The following CYGB variants were observed in gnomAD, a reference collection of about 807,000 sequenced individuals.
The protein encoded by CYGB is cytoglobin, also known as histoglobin.
CYGB carries 13 observed loss-of-function variants against 20.7 expected under a neutral mutation model. The ratio of observed to expected loss-of-function variants is 0.63; its 90% CI spans 0.41 to 1.00. The LOEUF (loss-of-function observed/expected upper bound fraction) is 1.00, where lower values mean the gene tolerates loss of function less well. Ranked by LOEUF, CYGB falls within the 50% of genes least tolerant of loss-of-function variation. The probability of loss-of-function intolerance (pLI) is 0.00; values close to 1 mark genes in which losing one functional copy is unlikely to be tolerated. For synonymous variants in CYGB, 93 were observed against 107.4 expected (o/e 0.87, Z 0.83); for missense variants, 218 against 257.2 (o/e 0.85, Z 1.04).
chr17:76,535,717 G>A (rs1307988244), intron 1 of CYGB, among the ~76,000 whole-genome samples: 4 of 152,184 alleles, frequency 2.6e-5, no homozygotes, highest in Non-Finnish European at 4.4e-5. Context: ...CTGAAAACTC[G>A]GACTGCCCAG....
In CYGB at chr17:76,530,106, A is replaced by C. The variant is rs780292316; in HGVS notation, c.539+873T>G. On this transcript the variant is annotated intron_variant, in intron 3 of 3. Transcript: ENST00000293230. The surrounding 1 kb of genome is among the most constrained non-coding windows in gnomAD (Gnocchi z 6.1). The stretch of plus-strand genomic sequence containing the variant: ...CCTTTTCCATGGGAAACTGCTGGGA[A>C]TGTTTCTCTACCACGGGAATGTTTC... 1.5e-3 allele frequency: 1,492 copies of C among 983,026 alleles called. 6 individuals carry two copies. The highest frequency in any genetic ancestry group is 5.5e-3 in the Admixed American group (89 of 16,258). 60.9% of individuals were successfully genotyped at this position (983,026 alleles called of 1,614,324 possible).
intron 1 of CYGB, among the ~76,000 whole-genome samples, chr17:76,547,577 AAC>A (rs1437814531): frequency 2.0e-5 from 3 of 152,108 alleles, no homozygotes; most frequent in Admixed American, 6.5e-5. Context: ...AAAATTTACT[AAC>A]AGACTCAGCC....
chr17:76,528,728 C>G lies in CYGB; in HGVS notation c.540-117G>C, dbSNP rs1012262800. On this transcript the variant is annotated intron_variant, in intron 3 of 3. Transcript: ENST00000293230. The surrounding 1 kb of genome is among the most constrained non-coding windows in gnomAD (Gnocchi z 5.8). ...TCACTTCCTGCCAAGAGATCCGGCA[C>G]AGTGCAGTTGAAAGCAACCGTGAGA... The G allele has an allele frequency of 2.7e-6, 3 of 1,099,574 alleles. No individual in the cohort carries two copies. The African/African-American group carries it at 4.9e-5, about 18-fold the overall frequency. 68.1% of individuals were successfully genotyped at this position (1,099,574 alleles called of 1,614,324 possible).
intron 1 of CYGB, chr17:76,545,506 AGGGTGGGGTCCCTTCT>A (rs1444503741): frequency 2.5e-6 from 1 of 394,220 alleles, no homozygotes; most frequent in Admixed American, 2.8e-5. Flanking sequence ...GCTGAGCCAA[AGGGTGGGGTCCCTTCT>A]GGTCTAGGGT....
At chr17:76,540,642 G>C, upstream of CYGB, 10 of 1,476,104 alleles carry the variant, frequency 6.8e-6, no homozygotes, top group Non-Finnish European at 9.4e-6. This position sits in a 1 kb window ranked among gnomAD's most constrained non-coding sequence, Gnocchi z 5.0. Context: ...CATGCCTGGG[G>C]GTGCACGTGT....
chr17:76,547,667 TCA>T (rs1232013661), intron 1 of CYGB, among the ~76,000 whole-genome samples: 20 of 130,562 alleles, frequency 1.5e-4, no homozygotes, highest in African/African-American at 6.0e-4. Context: ...ACACACATAT[TCA>T]CACACAGAGA....
chr17:76,537,488 G>C lies in CYGB; in HGVS notation c.55C>G (p.Leu19Val). ...EIERRERSEE[L>V]SEAERKAVQA... ...ACCGCCTTCCTCTCCGCCTCGGACA[G>C]CTCCTCGCTCCGCTCCCTGCGCTCG... Residue 19 changes from leucine to valine, a missense_variant, in exon 1 of 4, where the codon CTG (leucine) becomes GTG (valine). Leu to Val is a conservative substitution (Grantham distance 32). This residue lies in a region of CYGB where 152 missense variants were observed against 149.9 expected (regional missense o/e 1.01). Transcript: ENST00000293230. 6.3e-7 allele frequency: 1 copy of C among 1,586,528 alleles called. No individual in the cohort carries two copies.
chr17:76,548,138 CACAG>C (rs1159874956), intron 1 of CYGB, among the ~76,000 whole-genome samples: 9 of 151,966 alleles, frequency 5.9e-5, no homozygotes, highest in East Asian at 3.9e-4. Context: ...CACATGCATA[CACAG>C]ACATACACAT....
chr17:76,548,001 C>T (rs535856599), intron 1 of CYGB, among the ~76,000 whole-genome samples: 1 of 152,120 alleles, frequency 6.6e-6, no homozygotes, highest in African/African-American at 2.4e-5. Flanking sequence ...TTCACACACA[C>T]ATTCACACAT....
At position 76,531,443 on chromosome 17, in the gene CYGB, C is replaced by T. The variant is rs2074841938; in HGVS notation, c.375+17G>A. 6.3e-7 allele frequency: 1 copy of T among 1,595,252 alleles called. No homozygotes were observed. The highest frequency in any genetic ancestry group is 1.3e-5 in the African/African-American group (1 of 74,610). On this transcript the variant is annotated intron_variant, in intron 2 of 3. Transcript: ENST00000293230. The surrounding 1 kb of genome is among the most constrained non-coding windows in gnomAD (Gnocchi z 7.4). ...CGCGTGGGCGGTGGGGGCTCTGCAG[C>T]AGATGGGGGCGCATACCTTGAAGTA... is the stretch of plus-strand genomic sequence containing the variant.
rs528732567 is a variant in CYGB at position 76,545,141 on chromosome 17, C to T, written c.-53+5721G>A. On this transcript the variant is annotated intron_variant, in intron 1 of 3. Coordinates refer to the CYGB transcript ENST00000589145. ...ACACCTTCCCCGCACACCCAGCCCA[C>T]GCTCGCCTCTTATTCCCGGGGCCTC... The T allele has an allele frequency of 5.5e-5, 25 of 456,654 alleles. No homozygotes were observed. In the East Asian group the frequency reaches 9.7e-4, roughly 18 times the overall value. The allele number at this position is 456,654 out of a possible 1,614,324, so 28.3% of individuals were successfully genotyped here.
chr17:76,541,932 ATG>A, upstream of CYGB, among the ~76,000 whole-genome samples: 1 of 152,268 alleles, frequency 6.6e-6, no homozygotes, highest in South Asian at 2.1e-4. Context: ...TGCTCCATAA[ATG>A]CTAGCAGCTG....
chr17:76,539,305 C>G (rs1398801285), upstream of CYGB, among the ~76,000 whole-genome samples: 2 of 152,198 alleles, frequency 1.3e-5, no homozygotes, highest in Admixed American at 1.3e-4. Flanking sequence ...AATCGTGTAA[C>G]TATTTCTTTT....
chr17:76,549,614 G>C (rs554337678), intron 1 of CYGB, among the ~76,000 whole-genome samples: 11 of 152,288 alleles, frequency 7.2e-5, no homozygotes, highest in African/African-American at 2.6e-4. Flanking sequence ...CCACAAAAAA[G>C]ACTGCAAAGA....
chr17:76,529,962 G>A, intron 3 of CYGB: 1 of 985,394 alleles, frequency 1.0e-6, no homozygotes. Context: ...TCAGCAGCAG[G>A]AAGGGCAGGA....
chr17:76,540,210 C>T, upstream of CYGB: 2 of 1,599,844 alleles, frequency 1.3e-6, no homozygotes, highest in Non-Finnish European at 8.5e-7. The surrounding 1 kb of genome is among the most constrained non-coding windows in gnomAD (Gnocchi z 5.0). Flanking sequence ...CCAACCGAGT[C>T]CAACCGTGAG....
chr17:76,532,277 C>T (rs543960423), intron 1 of CYGB, among the ~76,000 whole-genome samples: 42 of 152,314 alleles, frequency 2.8e-4, no homozygotes, highest in Middle Eastern at 6.8e-3. Flanking sequence ...CCTGGCTCAG[C>T]GGCTTTACTT....
intron 1 of CYGB, among the ~76,000 whole-genome samples, chr17:76,534,146 T>TCTCTCTCTCTCTC (rs2074885915): frequency 8.5e-5 from 11 of 129,016 alleles, no homozygotes; most frequent in South Asian, 2.8e-4. Context: ...CTCTTTCTCT[T>TCTCTCTCTCTCTC]TCTCTCTCTC....
At chr17:76,540,263 G>GGGGGGGGGGGGGGGGGGGC, upstream of CYGB, 1 of 610,886 alleles carries the variant, frequency 1.6e-6, no homozygotes, top group Non-Finnish European at 2.9e-6. The surrounding 1 kb of genome is among the most constrained non-coding windows in gnomAD (Gnocchi z 5.0). Flanking sequence ...GGGGGGGGGG[G>GGGGGGGGGGGGGGGGGGGC]CATGGGGCTG....
Sources: gnomAD v4.1 joint callset for allele counts (sites outside exome capture counted in the v4.1 genomes callset) on GRCh38, gnomAD v4.1.1 for gene constraint, gnomAD v4.1.1 regional missense constraint, Gnocchi (gnomAD v3.1) non-coding constraint, MANE v1.5 for transcripts, NCBI Gene and HGNC (gene_info 2026-07-23, HGNC 2026-07-21) for gene names.